The following SNORD118 variants were observed in gnomAD, a reference collection of about 807,000 sequenced individuals.
SNORD118 encodes the protein small nucleolar RNA, C/D box 118.
exon 1 of SNORD118, chr17:8,173,549 T>TC (rs1555525625): frequency 7.8e-6 from 6 of 765,220 alleles, no homozygotes; most frequent in Non-Finnish European, 1.2e-5. Context: ...TAATCTGCCC[T>TC]CCGGAGGAGG....
exon 1 of SNORD118, chr17:8,173,549 TC>T: frequency 1.3e-6 from 1 of 765,338 alleles, no homozygotes; most frequent in Non-Finnish European, 2.4e-6. Flanking sequence ...TAATCTGCCC[TC>T]CGGAGGAGGA....
exon 1 of SNORD118, chr17:8,173,511 G>T (rs367845024): frequency 1.3e-6 from 1 of 765,308 alleles, no homozygotes. Context: ...CGTTAATCAC[G>T]TTTCATGCAT....
At chr17:8,173,539 T>TAATCTGCC (rs1555525614) in exon 1 of SNORD118, 1 of 765,462 alleles carries the variant, frequency 1.3e-6, no homozygotes, top group South Asian at 1.3e-5. Flanking sequence ...CATCATGTTC[T>TAATCTGCC]AATCTGCCCT....
Position 8,173,554 on chromosome 17 carries a change from A to C in SNORD118, n.34T>G, listed in dbSNP as rs142684790. ...CATCATGTTCTAATCTGCCCTCCGG[A>C]GGAGGAACAGGTAAGGATTATCCCA... On this transcript the variant is annotated non_coding_transcript_exon_variant, in exon 1 of 1. Transcript: ENST00000363593. 753 of 765,360 alleles carry C rather than the reference A, an allele frequency of 9.8e-4. 4 individuals carry two copies. The highest frequency in any genetic ancestry group is 9.1e-3 in the East Asian group (376 of 41,248). 47.4% of individuals were successfully genotyped at this position (765,360 alleles called of 1,614,324 possible). A position where few individuals can be genotyped will look rare whatever the true frequency, so the allele number is the denominator to read the frequency against.
At chr17:8,173,522 C>G (rs572834319) in exon 1 of SNORD118, 2 of 765,392 alleles carry the variant, frequency 2.6e-6, no homozygotes, top group South Asian at 1.3e-5. Context: ...TTTCATGCAT[C>G]TCCAATCATC....
At chr17:8,173,479 G>C (rs200655899) in exon 1 of SNORD118, 23 of 764,740 alleles carry the variant, frequency 3.0e-5, no homozygotes, top group Admixed American at 8.5e-5. Context: ...TCAGGGTGTT[G>C]CAAGTCCTGA....
chr17:8,173,532 C>CA lies in SNORD118; in HGVS notation n.55dup, dbSNP rs775673578. On this transcript the variant is annotated non_coding_transcript_exon_variant, in exon 1 of 1. Coordinates refer to ENST00000363593, the Ensembl canonical transcript of SNORD118. Reference sequence around the variant, plus strand: ...TCACGTTTCATGCATCTCCAATCATCATGTTCTAATCTGCCCTCCGGAGGA... The same window carrying CA: ...TCACGTTTCATGCATCTCCAATCATCAATGTTCTAATCTGCCCTCCGGAGGA... 3.9e-6 allele frequency: 3 copies of CA among 765,316 alleles called. No individual in the cohort carries two copies. The highest frequency in any genetic ancestry group is 2.4e-5 in the East Asian group (1 of 41,264). The allele number at this position is 765,316 out of a possible 1,614,324, so 47.4% of individuals were successfully genotyped here.
chr17:8,173,507 T>G lies in SNORD118; in HGVS notation n.81A>C, dbSNP rs779456932. The G allele has an allele frequency of 1.3e-5, 10 of 765,196 alleles. No homozygotes were observed. Among genetic ancestry groups the G allele is most frequent in the Admixed American group, 6.8e-5 (4 of 58,996 alleles). 47.4% of individuals were successfully genotyped at this position (765,196 alleles called of 1,614,324 possible). A position where few individuals can be genotyped will look rare whatever the true frequency, so the allele number is the denominator to read the frequency against. On this transcript the variant is annotated non_coding_transcript_exon_variant, in exon 1 of 1. Coordinates refer to ENST00000363593, the Ensembl canonical transcript of SNORD118. ...AGTCCTGATTACGCAGAGACGTTAA[T>G]CACGTTTCATGCATCTCCAATCATC...
chr17:8,173,556 G>T (rs116658491), exon 1 of SNORD118: 3 of 765,354 alleles, frequency 3.9e-6, no homozygotes, highest in South Asian at 2.7e-5. Flanking sequence ...CCCTCCGGAG[G>T]AGGAACAGGT....
chr17:8,173,583 G>C (rs374740618), exon 1 of SNORD118: 7 of 764,174 alleles, frequency 9.2e-6, no homozygotes, highest in Admixed American at 6.8e-5. Flanking sequence ...TATCCCACCT[G>C]ACGATACAGA....
At chr17:8,173,496 A>C (rs746215946) in exon 1 of SNORD118, 2 of 765,268 alleles carry the variant, frequency 2.6e-6, no homozygotes, top group Admixed American at 3.4e-5. Flanking sequence ...CTGATTACGC[A>C]GAGACGTTAA....
rs545394298 is a variant in SNORD118 at position 8,173,569 on chromosome 17, G to A, written n.19C>T. 4.1e-5 allele frequency: 31 copies of A among 764,750 alleles called. No homozygotes were observed. The highest frequency in any genetic ancestry group is 5.5e-5 in the Non-Finnish European group (23 of 417,738). 47.4% of individuals were successfully genotyped at this position (764,750 alleles called of 1,614,324 possible). A position where few individuals can be genotyped will look rare whatever the true frequency, so the allele number is the denominator to read the frequency against. On this transcript the variant is annotated non_coding_transcript_exon_variant, in exon 1 of 1. Coordinates refer to ENST00000363593, the Ensembl canonical transcript of SNORD118. ...TGCCCTCCGGAGGAGGAACAGGTAAGGATTATCCCACCTGACGATACAGAC... is the reference window on the plus strand; with the variant it reads ...TGCCCTCCGGAGGAGGAACAGGTAAAGATTATCCCACCTGACGATACAGAC...
At chr17:8,173,525 C>CA (rs1567550677) in exon 1 of SNORD118, 7 of 765,244 alleles carry the variant, frequency 9.1e-6, no homozygotes, top group Non-Finnish European at 1.4e-5. Flanking sequence ...CATGCATCTC[C>CA]AATCATCATG....
exon 1 of SNORD118, chr17:8,173,454 A>ATCAGACAGGAGCAATCAG (rs771318800): frequency 1.3e-6 from 1 of 763,314 alleles, no homozygotes; most frequent in African/African-American, 1.7e-5. Flanking sequence ...GTCAGAAAGA[A>ATCAGACAGGAGCAATCAG]TCAGACAGGA....
chr17:8,173,558 G>C (rs112608031), exon 1 of SNORD118: 14 of 765,184 alleles, frequency 1.8e-5, no homozygotes, highest in East Asian at 2.4e-5. Flanking sequence ...CTCCGGAGGA[G>C]GAACAGGTAA....
In SNORD118 at chr17:8,173,567, A is replaced by G. The variant is rs200875242; in HGVS notation, n.21T>C. 7 of 765,182 alleles carry G rather than the reference A, an allele frequency of 9.1e-6. No individual in the cohort carries two copies. The highest frequency in any genetic ancestry group is 1.7e-5 in the Admixed American group (1 of 58,960). The allele number at this position is 765,182 out of a possible 1,614,324, so 47.4% of individuals were successfully genotyped here. ...TCTGCCCTCCGGAGGAGGAACAGGT[A>G]AGGATTATCCCACCTGACGATACAG... On this transcript the variant is annotated non_coding_transcript_exon_variant, in exon 1 of 1. Coordinates refer to ENST00000363593, the Ensembl canonical transcript of SNORD118.
chr17:8,173,508 C>G lies in SNORD118; in HGVS notation n.80G>C, dbSNP rs772667974. 7 of 765,202 alleles carry G rather than the reference C, an allele frequency of 9.1e-6. No individual in the cohort carries two copies. The highest frequency in any genetic ancestry group is 1.3e-5 in the South Asian group (1 of 74,604). 47.4% of individuals were successfully genotyped at this position (765,202 alleles called of 1,614,324 possible). On this transcript the variant is annotated non_coding_transcript_exon_variant, in exon 1 of 1. Transcript: ENST00000363593. The stretch of plus-strand genomic sequence containing the variant: ...GTCCTGATTACGCAGAGACGTTAAT[C>G]ACGTTTCATGCATCTCCAATCATCA...
chr17:8,173,548 C>G (rs182078929), exon 1 of SNORD118: 9 of 765,368 alleles, frequency 1.2e-5, no homozygotes, highest in South Asian at 5.4e-5. Context: ...CTAATCTGCC[C>G]TCCGGAGGAG....
chr17:8,173,516 A>G (rs754874209), exon 1 of SNORD118: 10 of 765,308 alleles, frequency 1.3e-5, no homozygotes, highest in South Asian at 6.7e-5. Flanking sequence ...ATCACGTTTC[A>G]TGCATCTCCA....
Sources: allele counts gnomAD v4.1 joint callset, GRCh38; gene constraint gnomAD v4.1.1; transcripts MANE v1.5; gene names NCBI Gene and HGNC (gene_info 2026-07-23, HGNC 2026-07-21).